DIPK1C: variants seen among roughly 807,000 people sequenced by gnomAD.
DIPK1C encodes divergent protein kinase domain 1C.
In DIPK1C, 33 loss-of-function variants were observed where a neutral mutation model predicts 28.0. The observed-to-expected ratio is 1.18, with a 90% CI of 0.89 to 1.58. DIPK1C has a LOEUF of 1.58. DIPK1C is among the 40% of genes most tolerant of loss of function. The pLI is 0.00. For synonymous variants in DIPK1C, 255 were observed against 248.8 expected (o/e 1.02, Z -0.23); for missense variants, 569 against 568.5 (o/e 1.00, Z -0.01).
At chr18:74,448,695 T>A (rs2144524171) in intron 1 of DIPK1C, among the ~76,000 whole-genome samples, 1 of 152,320 alleles carries the variant, frequency 6.6e-6, no homozygotes, top group African/African-American at 2.4e-5. Flanking sequence ...CTTGGGTTCA[T>A]AATCAGATAC....
chr18:74,443,342 A>G (rs1245255295), intron 2 of DIPK1C, among the ~76,000 whole-genome samples: 2 of 152,208 alleles, frequency 1.3e-5, no homozygotes, highest in African/African-American at 4.8e-5. Flanking sequence ...CCACTAGGAC[A>G]GTTGATGAAT....
Position 74,457,182 on chromosome 18 carries a change from G to T in DIPK1C, c.78C>A (p.Leu26=), listed in dbSNP as rs1200414503. Residue 26 remains leucine, a synonymous_variant, in exon 1 of 4, where the codon CTC becomes CTA. Coordinates refer to ENST00000343998, the MANE Select transcript of DIPK1C (RefSeq NM_001044369.3). ...AGCCCGCGGTCCACGCGGCGAAGGC[G>T]AGGAGCGTGCCCCGCCCGCAGCGCC... ...RRGRCGRGTL[L]AFAAWTAGWV... 8.4e-6 allele frequency: 11 copies of T among 1,309,762 alleles called. No homozygotes were observed. The highest frequency in any genetic ancestry group is 6.2e-5 in the African/African-American group (4 of 64,070). 81.1% of individuals were successfully genotyped at this position (1,309,762 alleles called of 1,614,324 possible). A position where few individuals can be genotyped will look rare whatever the true frequency, so the allele number is the denominator to read the frequency against.
chr18:74,460,653 G>A (rs774030537), upstream of DIPK1C, among the ~76,000 whole-genome samples: 10 of 152,194 alleles, frequency 6.6e-5, no homozygotes, highest in Non-Finnish European at 1.5e-4. Flanking sequence ...TCCAATGAGC[G>A]GGACATAGGA....
intron 1 of DIPK1C, among the ~76,000 whole-genome samples, chr18:74,455,527 A>C (rs1401158617): frequency 6.6e-6 from 1 of 152,104 alleles, no homozygotes; most frequent in Non-Finnish European, 1.5e-5. Flanking sequence ...GTGGTGGTTC[A>C]CGCCTGTAAT....
Position 74,445,854 on chromosome 18 carries a change from G to A in DIPK1C, c.876+752C>T, listed in dbSNP as rs560303026. On this transcript the variant is annotated intron_variant, in intron 2 of 3. Coordinates refer to ENST00000343998, the MANE Select transcript of DIPK1C (RefSeq NM_001044369.3). ...GGATGGTCCCAGCGACTGGCACAGC[G>A]TGAGGGCACTGGGATGATCGCAGCA... is the stretch of plus-strand genomic sequence containing the variant. Among the ~76,000 whole-genome samples, 19 of 152,314 alleles carry A rather than the reference G, an allele frequency of 1.2e-4. No individual in the cohort carries two copies. In the South Asian group the frequency reaches 2.5e-3, roughly 20 times the overall value.
the DIPK1C span, among the ~76,000 whole-genome samples, chr18:74,463,323 G>T: frequency 2.6e-4 from 39 of 152,174 alleles, no homozygotes; most frequent in Admixed American, 2.6e-3. Flanking sequence ...GTTGAGGTTG[G>T]CTGGAAACCT....
Position 74,457,011 on chromosome 18 carries a change from A to AT in DIPK1C, c.198+50dup, listed in dbSNP as rs1300522219. The stretch of plus-strand genomic sequence containing the variant: ...AGGCTGGGGACCGGGAGCGGGTGTG[A>AT]TCCCCCCTCCCCGGACGCGCGGCGC... On this transcript the variant is annotated intron_variant, in intron 1 of 3. Coordinates refer to ENST00000343998, the MANE Select transcript of DIPK1C (RefSeq NM_001044369.3). 11 of 1,365,432 alleles carry AT rather than the reference A, an allele frequency of 8.1e-6. No homozygotes were observed. In the African/African-American group the frequency reaches 1.1e-4, roughly 13 times the overall value. The allele number at this position is 1,365,432 out of a possible 1,614,324, so 84.6% of individuals were successfully genotyped here.
chr18:74,458,160 A>C (rs1161207437), upstream of DIPK1C, among the ~76,000 whole-genome samples: 1 of 152,062 alleles, frequency 6.6e-6, no homozygotes, highest in Non-Finnish European at 1.5e-5. Flanking sequence ...CACCCCACCC[A>C]GGGATGCTTC....
intron 2 of DIPK1C, among the ~76,000 whole-genome samples, chr18:74,442,486 A>G (rs905524285): frequency 4.3e-4 from 65 of 151,834 alleles, no homozygotes; most frequent in Admixed American, 8.5e-4. Context: ...CCACCACCAC[A>G]CCCGGCTAAT....
chr18:74,453,885 A>G (rs1986449528), intron 1 of DIPK1C, among the ~76,000 whole-genome samples: 1 of 152,014 alleles, frequency 6.6e-6, no homozygotes. Flanking sequence ...TACTTCATAG[A>G]GGTTGTTGAG....
intron 3 of DIPK1C, among the ~76,000 whole-genome samples, chr18:74,439,963 G>C (rs1204802245): frequency 6.7e-4 from 41 of 61,364 alleles, no homozygotes; most frequent in Non-Finnish European, 1.2e-3. Context: ...TTTTTTTTTT[G>C]AGACGGAGTC....
Position 74,446,708 on chromosome 18 carries a change from G to C in DIPK1C, c.774C>G (p.Leu258=), listed in dbSNP as rs1183262185. 2.6e-6 allele frequency: 4 copies of C among 1,542,486 alleles called. No individual in the cohort carries two copies. The highest frequency in any genetic ancestry group is 3.5e-6 in the Non-Finnish European group (4 of 1,142,322). The part of the protein sequence containing the change: ...GQAKAISDIA[L]SFLDMVNHFD... Reference sequence around the variant, plus strand: ...AATGGTTCACCATGTCCAAGAAGCTGAGTGCGATGTCACTGATGGCCTTGG... The same window carrying C: ...AATGGTTCACCATGTCCAAGAAGCTCAGTGCGATGTCACTGATGGCCTTGG... Residue 258 remains leucine, a synonymous_variant, in exon 2 of 4, where the codon CTC becomes CTG. Transcript: ENST00000343998.
chr18:74,461,676 C>T (rs1986621260), upstream of DIPK1C, among the ~76,000 whole-genome samples: 1 of 151,490 alleles, frequency 6.6e-6, no homozygotes. Context: ...GCCCATGCCT[C>T]CTTTATAAGG....
chr18:74,444,752 T>A (rs1205860157), intron 2 of DIPK1C, among the ~76,000 whole-genome samples: 1 of 152,130 alleles, frequency 6.6e-6, no homozygotes, highest in African/African-American at 2.4e-5. Flanking sequence ...CCCCTCCCTA[T>A]TCTTGTCCAG....
intron 3 of DIPK1C, among the ~76,000 whole-genome samples, chr18:74,438,327 G>C (rs1278035805): frequency 1.3e-5 from 2 of 152,232 alleles, no homozygotes; most frequent in Non-Finnish European, 2.9e-5. Flanking sequence ...TTTGCATTAT[G>C]AATAATACTG....
rs904549857 is a variant in DIPK1C at position 74,447,345 on chromosome 18, C to T, written c.199-62G>A. 287 of 1,447,318 alleles carry T rather than the reference C, an allele frequency of 2.0e-4. No homozygotes were observed. Among genetic ancestry groups the T allele is most frequent in the Middle Eastern group, 3.8e-4 (2 of 5,208 alleles). 89.7% of individuals were successfully genotyped at this position (1,447,318 alleles called of 1,614,324 possible). A position where few individuals can be genotyped will look rare whatever the true frequency, so the allele number is the denominator to read the frequency against. On this transcript the variant is annotated intron_variant, in intron 1 of 3. Transcript: ENST00000343998. This position sits in a 1 kb window ranked among gnomAD's most constrained non-coding sequence, Gnocchi z 4.1. ...GCCTGGTGCCATCCGTCTCTCGGCT[C>T]GGGTTAGGGAAGGGGACAGCCTAGC...
rs1374025499 is a variant in DIPK1C, at chr18:74,436,104, C to T, written c.*397G>A. ...ATGCTCATTTGCACCCAGACACAGG[C>T]ATACACATCATTTGTATGCACACAC... On this transcript the variant is annotated 3_prime_UTR_variant, in exon 4 of 4. Coordinates refer to ENST00000343998, the MANE Select transcript of DIPK1C (RefSeq NM_001044369.3). 1 of 229,546 alleles carries T rather than the reference C, an allele frequency of 4.4e-6. No individual in the cohort carries two copies. The highest frequency in any genetic ancestry group is 8.7e-6 in the Non-Finnish European group (1 of 115,522). The allele number at this position is 229,546 out of a possible 1,614,324, so 14.2% of individuals were successfully genotyped here.
At chr18:74,460,901 A>T (rs1459970369), upstream of DIPK1C, among the ~76,000 whole-genome samples, 3 of 152,238 alleles carry the variant, frequency 2.0e-5, no homozygotes, top group Admixed American at 6.5e-5. Flanking sequence ...GAGACCATCA[A>T]GCAGCTCTCC....
intron 1 of DIPK1C, among the ~76,000 whole-genome samples, chr18:74,454,314 G>C (rs965947442): frequency 1.3e-5 from 2 of 152,154 alleles, no homozygotes; most frequent in African/African-American, 4.8e-5. Context: ...GTGGAGTGTG[G>C]GCTTGGGGAG....
Sources: gnomAD v4.1 joint callset for allele counts (sites outside exome capture counted in the v4.1 genomes callset) on GRCh38, gnomAD v4.1.1 for gene constraint, Gnocchi (gnomAD v3.1) non-coding constraint, MANE v1.5 for transcripts, NCBI Gene and HGNC (gene_info 2026-07-23, HGNC 2026-07-21) for gene names.